The following KIF13A variants were observed in gnomAD, a reference collection of about 807,000 sequenced individuals.
The protein encoded by KIF13A is kinesin family member 13A, also known as kinesin-like protein KIF13A.
KIF13A carries 79 observed loss-of-function variants against 212.2 expected under a neutral mutation model. That is an observed-to-expected ratio of 0.37 (90% CI 0.31 to 0.45). The LOEUF (loss-of-function observed/expected upper bound fraction) is 0.45. KIF13A is among the 20% of genes least tolerant of loss of function. The pLI, the probability that KIF13A is intolerant of heterozygous loss-of-function variation, is 1.00. For missense variants in KIF13A, 1,901 were observed against 2,209.0 expected (o/e 0.86, Z 2.79); for synonymous variants, 789 against 808.6 (o/e 0.98, Z 0.41).
At position 17,888,582 on chromosome 6, in the gene KIF13A, G is replaced by T. The variant is rs1771759190; in HGVS notation, c.159+9586C>A. Among the ~76,000 whole-genome samples, 1 of 152,220 alleles carries T rather than the reference G, an allele frequency of 6.6e-6. No homozygotes were observed. The highest frequency in any genetic ancestry group is 2.4e-5 in the African/African-American group (1 of 41,452). Reference sequence around the variant, plus strand: ...CTTATGCCTGTAATCCCAGCACTTTGGGAGGCCAAAGCGGGCAGATCACTT... The same window carrying T: ...CTTATGCCTGTAATCCCAGCACTTTTGGAGGCCAAAGCGGGCAGATCACTT... On this transcript the variant is annotated intron_variant, in intron 3 of 38. Transcript: ENST00000259711. This position sits in a 1 kb window ranked among gnomAD's most constrained non-coding sequence, Gnocchi z 4.8.
In KIF13A at chr6:17,834,592, C is replaced by T. The variant is rs529020941; in HGVS notation, c.1156-521G>A. Among the ~76,000 whole-genome samples the T allele has an allele frequency of 6.6e-6, 1 of 152,344 alleles. No homozygotes were observed. The highest frequency in any genetic ancestry group is 1.9e-4 in the East Asian group (1 of 5,184). ...CATTATCATTCACCCAGAAGCAGCA[C>T]AGCTGGCTAAAAAGGCAGTGGTTTC... On this transcript the variant is annotated intron_variant, in intron 11 of 38. Transcript: ENST00000259711. This position sits in a 1 kb window ranked among gnomAD's most constrained non-coding sequence, Gnocchi z 4.0.
intron 2 of KIF13A, among the ~76,000 whole-genome samples, chr6:17,909,186 A>G (rs967237149): frequency 1.4e-4 from 21 of 152,224 alleles, no homozygotes; most frequent in Non-Finnish European, 4.4e-5. Context: ...GGAAAAGGGT[A>G]CTGGGGAGCT....
chr6:17,943,871 T>G (rs934681670), intron 2 of KIF13A, among the ~76,000 whole-genome samples: 1 of 151,780 alleles, frequency 6.6e-6, no homozygotes, highest in Non-Finnish European at 1.5e-5. Flanking sequence ...ATAGAAGGAG[T>G]TGAGAACACC....
chr6:17,952,586 A>T (rs181031997), intron 2 of KIF13A, among the ~76,000 whole-genome samples: 1 of 151,550 alleles, frequency 6.6e-6, no homozygotes, highest in East Asian at 1.9e-4. Flanking sequence ...ACAGTGAGCT[A>T]TGACCACACC....
At chr6:17,944,968 G>C (rs1409026465) in intron 2 of KIF13A, among the ~76,000 whole-genome samples, 1 of 152,100 alleles carries the variant, frequency 6.6e-6, no homozygotes, top group Non-Finnish European at 1.5e-5. Flanking sequence ...AACAGAGAAT[G>C]CAACTTAAAA....
intron 2 of KIF13A, among the ~76,000 whole-genome samples, chr6:17,974,695 G>A (rs765058155): frequency 8.5e-5 from 13 of 152,090 alleles, no homozygotes; most frequent in Non-Finnish European, 1.6e-4. Context: ...GTGCACTACA[G>A]CCCAATTAAG....
chr6:17,808,614 CAATGAGGTATAT>C (rs1185325614), intron 18 of KIF13A, among the ~76,000 whole-genome samples, 142 bp downstream of exon 18: 4 of 152,046 alleles, frequency 2.6e-5, no homozygotes, highest in African/African-American at 9.7e-5. Flanking sequence ...CATTCTTATC[CAATGAGGTATAT>C]AAAGAATGTC....
Position 17,808,809 on chromosome 6 carries a change from T to C in KIF13A, c.2122A>G (p.Thr708Ala), listed in dbSNP as rs766492554. Reference sequence around the variant, plus strand: ...AGGTTTGCAGCAGGGATCTGAAGAGTCACTTGGTAATCGGTGAGTTTGCTC... The same window carrying C: ...AGGTTTGCAGCAGGGATCTGAAGAGCCACTTGGTAATCGGTGAGTTTGCTC... ...EMSKLTDYQVTLQIPAANLSA... is the reference protein window; with the variant it reads ...EMSKLTDYQVALQIPAANLSA... The change falls in exon 18 of 39, where the codon ACT (threonine) becomes GCT (alanine). Residue 708 changes from threonine to alanine, a missense_variant. Physicochemically the swap from Thr to Ala is moderately conservative, Grantham distance 58. Around this residue, in one of 5 missense-constraint regions of KIF13A, gnomAD observed 534 missense variants for 536.9 expected, o/e 0.99. Coordinates refer to ENST00000259711, the MANE Select transcript of KIF13A (RefSeq NM_022113.6). 6.2e-7 allele frequency: 1 copy of C among 1,613,808 alleles called. No homozygotes were observed. The highest frequency in any genetic ancestry group is 1.1e-5 in the South Asian group (1 of 91,060).
In KIF13A at chr6:17,934,264, C is replaced by A. The variant is rs1776262513; in HGVS notation, c.147-36084G>T. Among the ~76,000 whole-genome samples, 1 of 152,062 alleles carries A rather than the reference C, an allele frequency of 6.6e-6. No homozygotes were observed. Among genetic ancestry groups the A allele is most frequent in the South Asian group, 2.1e-4 (1 of 4,828 alleles). On this transcript the variant is annotated intron_variant, in intron 2 of 38. Coordinates refer to ENST00000259711, the MANE Select transcript of KIF13A (RefSeq NM_022113.6). This position sits in a 1 kb window ranked among gnomAD's most constrained non-coding sequence, Gnocchi z 5.4. ...AATTCTTAAGTGACCTGTGTGAGGT[C>A]AGAGCAGAGGGCCCGGCTTGTAGCG... is the stretch of plus-strand genomic sequence containing the variant.
intron 2 of KIF13A, among the ~76,000 whole-genome samples, chr6:17,920,910 A>G (rs1775018247): frequency 6.6e-6 from 1 of 152,092 alleles, no homozygotes; most frequent in Non-Finnish European, 1.5e-5. Context: ...CATTGCTTAG[A>G]ATAAACATTG....
chr6:17,987,233 C>A lies in KIF13A; in HGVS notation c.56-89G>T, dbSNP rs1221813892. The stretch of plus-strand genomic sequence containing the variant: ...CCAGCCGCGCCGAGCGGGGCTCCGT[C>A]CCTGGAGGCGGCCGAGCCTGGAGAC... On this transcript the variant is annotated intron_variant, in intron 1 of 38. Coordinates refer to ENST00000259711, the MANE Select transcript of KIF13A (RefSeq NM_022113.6). The surrounding 1 kb of genome is among the most constrained non-coding windows in gnomAD (Gnocchi z 7.7). The A allele has an allele frequency of 5.2e-6, 6 of 1,165,036 alleles. No individual in the cohort carries two copies. The Admixed American group carries it at 9.9e-5, about 19-fold the overall frequency. The allele number at this position is 1,165,036 out of a possible 1,614,324, so 72.2% of individuals were successfully genotyped here.
chr6:17,763,765 C>T lies in KIF13A; in HGVS notation c.*345G>A. 3 of 910,464 alleles carry T rather than the reference C, an allele frequency of 3.3e-6. No individual in the cohort carries two copies. The highest frequency in any genetic ancestry group is 1.4e-6 in the Non-Finnish European group (1 of 735,508). The allele number at this position is 910,464 out of a possible 1,614,324, so 56.4% of individuals were successfully genotyped here. On this transcript the variant is annotated 3_prime_UTR_variant, in exon 39 of 39. Transcript: ENST00000259711. Reference sequence around the variant, plus strand: ...ATAAAATAATGGTTCATATAATAATCAAAGGAATCACAGATTTGATGAAAT... The same window carrying T: ...ATAAAATAATGGTTCATATAATAATTAAAGGAATCACAGATTTGATGAAAT...
chr6:17,969,025 G>C (rs1779568275), intron 2 of KIF13A, among the ~76,000 whole-genome samples: 2 of 152,094 alleles, frequency 1.3e-5, no homozygotes, highest in Admixed American at 1.3e-4. Context: ...CACTCATCCA[G>C]TCTGGGACCA....
At chr6:17,960,564 C>T (rs181127379) in intron 2 of KIF13A, among the ~76,000 whole-genome samples, 1 of 152,118 alleles carries the variant, frequency 6.6e-6, no homozygotes, top group Non-Finnish European at 1.5e-5. Context: ...AAGAGGGATC[C>T]TCTTATATCA....
chr6:17,933,404 ATTTTTTTTT>A (rs11377627), intron 2 of KIF13A, among the ~76,000 whole-genome samples: 1 of 114,604 alleles, frequency 8.7e-6, no homozygotes, highest in African/African-American at 3.3e-5. Context: ...CACCCAGCTC[ATTTTTTTTT>A]TTTTTTTTTT....
chr6:17,856,037 T>C lies in KIF13A; in HGVS notation c.306A>G (p.Gly102=). ...ATAAAAGCAACTTCTTACCTGTCTG[T>C]CCATATGCAAAAATACACGCATTAT... is the stretch of plus-strand genomic sequence containing the variant. The part of the protein sequence containing the change: ...QGYNACIFAY[G]QTGSGKSFSM... The change falls in exon 5 of 39, where the codon GGA becomes GGG. Residue 102 remains glycine (G), a synonymous_variant. Transcript: ENST00000259711. The surrounding 1 kb of genome is among the most constrained non-coding windows in gnomAD (Gnocchi z 4.5). 1 of 1,610,626 alleles carries C rather than the reference T, an allele frequency of 6.2e-7. No homozygotes were observed. Among genetic ancestry groups the C allele is most frequent in the Non-Finnish European group, 8.5e-7 (1 of 1,177,048 alleles).
chr6:17,933,708 GTTCTGA>G (rs1251096489), intron 2 of KIF13A, among the ~76,000 whole-genome samples: 1 of 152,118 alleles, frequency 6.6e-6, no homozygotes, highest in Admixed American at 6.5e-5. Flanking sequence ...ACTTTAACAA[GTTCTGA>G]TTCTAAGTAT....
intron 4 of KIF13A, among the ~76,000 whole-genome samples, chr6:17,860,927 T>A (rs1435988913): frequency 2.0e-5 from 3 of 152,034 alleles, no homozygotes; most frequent in Non-Finnish European, 4.4e-5. Context: ...TTGATAAAAA[T>A]TACAAATCAC....
At chr6:17,930,643 AC>A (rs1253142293) in intron 2 of KIF13A, among the ~76,000 whole-genome samples, 1 of 152,148 alleles carries the variant, frequency 6.6e-6, no homozygotes, top group Non-Finnish European at 1.5e-5. Context: ...CTTTGCCATA[AC>A]CTTCCCTGGG....
Sources: gnomAD v4.1 joint callset for allele counts (sites outside exome capture counted in the v4.1 genomes callset) on GRCh38, gnomAD v4.1.1 for gene constraint, gnomAD v4.1.1 regional missense constraint, Gnocchi (gnomAD v3.1) non-coding constraint, MANE v1.5 for transcripts, NCBI Gene and HGNC (gene_info 2026-07-23, HGNC 2026-07-21) for gene names.